Variants in TPO observed in about 807,000 individuals in gnomAD.
TPO encodes thyroid peroxidase, also known as thyroid microsomal antigen.
A neutral mutation model predicts 96.9 loss-of-function variants in TPO; 78 were observed. The ratio of observed to expected loss-of-function variants is 0.81; its 90% CI spans 0.67 to 0.97. The LOEUF (loss-of-function observed/expected upper bound fraction) is 0.97. Among genes scored for constraint, TPO ranks in the 50% least tolerant of loss-of-function variants. TPO has a pLI of 0.00. For missense variants in TPO, 1,252 were observed against 1,274.8 expected (o/e 0.98, Z 0.27); for synonymous variants, 547 against 538.0 (o/e 1.02, Z -0.23).
chr2:1,525,837 C>T (rs1277092905), intron 15 of TPO, among the ~76,000 whole-genome samples: 1 of 145,452 alleles, frequency 6.9e-6, no homozygotes, highest in African/African-American at 2.6e-5. Flanking sequence ...ATGCCCCCCA[C>T]TCTGTGCAAC....
Position 1,478,295 on chromosome 2 carries a change from T to G in TPO, c.1338+691T>G, listed in dbSNP as rs1298286794. The G allele has an allele frequency of 3.0e-6, 3 of 985,328 alleles. No individual in the cohort carries two copies. In the Admixed American group the frequency reaches 1.8e-4, roughly 61 times the overall value. 61.0% of individuals were successfully genotyped at this position (985,328 alleles called of 1,614,324 possible). ...TGACTCTAGGGGTCTCACAGGTTGT[T>G]AGGAAGAAGGATGGGCTGTTTGATA... On this transcript the variant is annotated intron_variant, in intron 8 of 16. Transcript: ENST00000329066.
intron 14 of TPO, among the ~76,000 whole-genome samples, chr2:1,511,141 T>A (rs937732562): frequency 2.0e-5 from 3 of 151,452 alleles, no homozygotes; most frequent in African/African-American, 7.3e-5. Flanking sequence ...TTAAAGGAAC[T>A]GTATTCATTT....
chr2:1,513,892 G>A (rs1208405676), intron 14 of TPO, among the ~76,000 whole-genome samples: 1 of 152,126 alleles, frequency 6.6e-6, no homozygotes, highest in Non-Finnish European at 1.5e-5. Flanking sequence ...ATAGATTTAG[G>A]TGTAGCTATA....
chr2:1,428,428 C>T (rs548229707), intron 3 of TPO, among the ~76,000 whole-genome samples: 15 of 152,284 alleles, frequency 9.9e-5, no homozygotes, highest in African/African-American at 2.4e-4. Context: ...CTGAGCTACA[C>T]GGCAGTTGCA....
chr2:1,439,668 C>G (rs919224612), intron 5 of TPO, among the ~76,000 whole-genome samples: 1 of 152,158 alleles, frequency 6.6e-6, no homozygotes, highest in African/African-American at 2.4e-5. Flanking sequence ...GACCCCAGGT[C>G]GCTGCTGTCT....
chr2:1,499,718 G>T (rs1452975807), intron 13 of TPO, among the ~76,000 whole-genome samples: 1 of 152,158 alleles, frequency 6.6e-6, no homozygotes, highest in Admixed American at 6.5e-5. Flanking sequence ...GTATATGAAG[G>T]TCTGAGACAC....
At chr2:1,478,264 G>A (rs1291169483) in intron 8 of TPO, 6 of 985,318 alleles carry the variant, frequency 6.1e-6, no homozygotes, top group Non-Finnish European at 6.0e-6. Flanking sequence ...CTGGAAATGC[G>A]GTCCCTGACT....
chr2:1,528,468 AC>A (rs1370540623), intron 15 of TPO, among the ~76,000 whole-genome samples: 2 of 138,204 alleles, frequency 1.4e-5, no homozygotes, highest in East Asian at 2.4e-4. Context: ...AAATCTCTCA[AC>A]TGTGTGCAAC....
intron 7 of TPO, among the ~76,000 whole-genome samples, chr2:1,464,441 A>G (rs1668719940): frequency 6.6e-6 from 1 of 152,178 alleles, no homozygotes; most frequent in African/African-American, 2.4e-5. Context: ...ATCAAATAGT[A>G]GTTCTACTTT....
intron 8 of TPO, chr2:1,478,129 A>G (rs1433969996): frequency 2.0e-6 from 2 of 985,320 alleles, no homozygotes; most frequent in East Asian, 2.3e-4. Context: ...TGAACTAACA[A>G]GTTAGAGTCT....
chr2:1,421,095 G>T (rs777272212), intron 2 of TPO, among the ~76,000 whole-genome samples: 2 of 152,112 alleles, frequency 1.3e-5, no homozygotes, highest in Non-Finnish European at 2.9e-5. Flanking sequence ...CACCCGAGGT[G>T]ACACTCACAG....
rs766399662 is a variant in TPO at position 1,436,288 on chromosome 2, AC to A, written c.387del (p.Asn129LysfsTer80). On this transcript the variant is annotated frameshift_variant, in exon 5 of 17. Coordinates refer to ENST00000329066, the MANE Select transcript of TPO (RefSeq NM_001206744.2). LOFTEE classifies it high-confidence loss of function. ...GAAGATCTGCTGAGCATCATTGCAA[AC>A]ATGTCTGGATGTCTCCCTTACATGC... ...LSEDLLSIIA[N>X]MSGCLPYMLP... 2.9e-5 allele frequency: 47 copies of A among 1,614,082 alleles called. No homozygotes were observed. The highest frequency in any genetic ancestry group is 5.0e-5 in the Admixed American group (3 of 60,004).
In TPO at chr2:1,486,677, G is replaced by GT. The variant is rs1293067495; in HGVS notation, c.1598-1138dup. ...GAAAATGATCCTATTCCCCCAATTA[G>GT]TTTTTTGGAAGGGTTATTTTTAAGC... On this transcript the variant is annotated intron_variant, in intron 9 of 16. Transcript: ENST00000329066. 8.5e-5 allele frequency among the ~76,000 whole-genome samples: 13 copies of GT among 152,150 alleles called. 1 individual carries two copies. Among genetic ancestry groups the GT allele is most frequent in the Admixed American group, 7.9e-4 (12 of 15,274 alleles).
At position 1,477,587 on chromosome 2, in the gene TPO, G is replaced by A; in HGVS notation, c.1321G>A (p.Val441Met). 6.5e-7 allele frequency: 1 copy of A among 1,533,414 alleles called. No individual in the cohort carries two copies. Among genetic ancestry groups the A allele is most frequent in the Non-Finnish European group, 8.7e-7 (1 of 1,145,970 alleles). 95.0% of individuals were successfully genotyped at this position (1,533,414 alleles called of 1,614,324 possible). ...DAVYQEARKVVGALHQIITLR... is the reference protein window; with the variant it reads ...DAVYQEARKVMGALHQIITLR... ...CGTGTACCAGGAGGCGCGCAAGGTC[G>A]TGGGCGCTCTGCACCAGGTGCGCGG... The change falls in exon 8 of 17, where the codon GTG becomes ATG. Residue 441 changes from valine to methionine, a missense_variant. By Grantham distance (21) the Val-to-Met change is conservative. Coordinates refer to ENST00000329066, the MANE Select transcript of TPO (RefSeq NM_001206744.2).
At chr2:1,507,997 T>C (rs945468462) in intron 14 of TPO, among the ~76,000 whole-genome samples, 6 of 152,292 alleles carry the variant, frequency 3.9e-5, no homozygotes, top group African/African-American at 1.4e-4. Context: ...TTTTTGCCCA[T>C]TCAGTATGAT....
chr2:1,447,766 ATATT>A (rs1666954602), intron 5 of TPO, among the ~76,000 whole-genome samples: 1 of 152,170 alleles, frequency 6.6e-6, no homozygotes, highest in African/African-American at 2.4e-5. Context: ...TGTGTATATG[ATATT>A]TATTCAGAAC....
upstream of TPO, among the ~76,000 whole-genome samples, chr2:1,410,606 C>T (rs746933982): frequency 4.6e-5 from 7 of 152,022 alleles, no homozygotes; most frequent in Non-Finnish European, 8.8e-5. Context: ...ATCAGATTTC[C>T]CCAGGATATC....
chr2:1,433,397 T>C (rs373519089), intron 3 of TPO, 41 bp from the exon 4 acceptor site: 29 of 1,609,646 alleles, frequency 1.8e-5, no homozygotes, highest in South Asian at 3.3e-5. Flanking sequence ...AAAGATACCA[T>C]AGACAAATAA....
At chr2:1,393,065 C>T (rs189090811) in intron 1 of TPO, among the ~76,000 whole-genome samples, 1 of 152,256 alleles carries the variant, frequency 6.6e-6, no homozygotes, top group Admixed American at 6.5e-5. Context: ...GGCAAGGTAA[C>T]TTATGAAGAA....
Sources: allele counts gnomAD v4.1 joint callset (sites outside exome capture counted in the v4.1 genomes callset), GRCh38; gene constraint gnomAD v4.1.1; transcripts MANE v1.5; gene names NCBI Gene and HGNC (gene_info 2026-07-23, HGNC 2026-07-21).